NT5C2: variants seen among roughly 807,000 people sequenced by gnomAD.
The protein encoded by NT5C2 is cytosolic purine 5'-nucleotidase.
A neutral mutation model predicts 76.1 loss-of-function variants in NT5C2; 58 were observed. The observed-to-expected ratio is 0.76, with a 90% confidence interval of 0.62 to 0.95. The LOEUF is 0.95. Ranked by LOEUF, NT5C2 falls within the 40% of genes least tolerant of loss-of-function variation. NT5C2 has a pLI of 0.00. For missense variants in NT5C2, 478 were observed against 690.3 expected (o/e 0.69, Z 3.45); for synonymous variants, 229 against 237.4 (o/e 0.96, Z 0.32).
chr10:103,089,803 A>G lies in NT5C2; in HGVS notation c.1555T>C (p.Tyr519His). The G allele has an allele frequency of 6.2e-7, 1 of 1,614,038 alleles. No homozygotes were observed. The highest frequency in any genetic ancestry group is 8.5e-7 in the Non-Finnish European group (1 of 1,180,004). ...RTSVDFKDTD[Y>H]KRHQLTRSIS... Reference sequence around the variant, plus strand: ...GACCGTGTCAGCTGGTGCCGCTTGTAGTCAGTGTCTTTGAAATCCACTGAT... The same window carrying G: ...GACCGTGTCAGCTGGTGCCGCTTGTGGTCAGTGTCTTTGAAATCCACTGAT... Residue 519 changes from tyrosine (Y) to histidine (H), a missense_variant, in exon 19 of 19, where the codon TAC becomes CAC. Coordinates refer to ENST00000404739, the MANE Select transcript of NT5C2 (RefSeq NM_001351169.2).
At chr10:103,112,183 C>T (rs2073190843) in intron 4 of NT5C2, among the ~76,000 whole-genome samples, 1 of 152,102 alleles carries the variant, frequency 6.6e-6, no homozygotes, top group African/African-American at 2.4e-5. Context: ...ATACAGCTGG[C>T]AAATGGTGTT....
At chr10:103,125,507 C>T in intron 4 of NT5C2, 1 of 193,246 alleles carries the variant, frequency 5.2e-6, no homozygotes, top group South Asian at 8.1e-5. Flanking sequence ...TAGCATTCTG[C>T]TTCTTGAAGA....
rs530697553 is a variant in NT5C2 at position 103,122,731 on chromosome 10, T to G, written c.176-16025A>C. On this transcript the variant is annotated intron_variant, in intron 4 of 18. Coordinates refer to ENST00000404739, the MANE Select transcript of NT5C2 (RefSeq NM_001351169.2). ...TCATACTACTCTCATTTGAGAGGTG[T>G]CATCCTTATACCACGAGGAAAGGAA... is the stretch of plus-strand genomic sequence containing the variant. 2.0e-5 allele frequency among the ~76,000 whole-genome samples: 3 copies of G among 152,320 alleles called. No homozygotes were observed. In the East Asian group the frequency reaches 5.8e-4, roughly 29 times the overall value.
At chr10:103,164,048 G>T (rs2085682549) in intron 3 of NT5C2, among the ~76,000 whole-genome samples, 1 of 151,778 alleles carries the variant, frequency 6.6e-6, no homozygotes, top group Admixed American at 6.6e-5. Context: ...AGACCAGCCT[G>T]GACATCAAAG....
intron 6 of NT5C2, among the ~76,000 whole-genome samples, chr10:103,103,985 C>T (rs1020231358): frequency 1.3e-5 from 2 of 152,218 alleles, no homozygotes; most frequent in African/African-American, 4.8e-5. Flanking sequence ...TCCCATATAG[C>T]TGGGACCAAA....
intron 11 of NT5C2, among the ~76,000 whole-genome samples, chr10:103,096,827 CAG>C (rs1439386670): frequency 1.2e-4 from 14 of 113,714 alleles, no homozygotes; most frequent in African/African-American, 5.0e-4. Context: ...GCCTGGGCGA[CAG>C]AGTGAGACTC....
chr10:103,187,066 C>G (rs1293328438), intron 1 of NT5C2, among the ~76,000 whole-genome samples: 1 of 151,536 alleles, frequency 6.6e-6, no homozygotes, highest in Non-Finnish European at 1.5e-5. Flanking sequence ...GCCTGGCCAA[C>G]AGGGCAAAAC....
intron 12 of NT5C2, among the ~76,000 whole-genome samples, chr10:103,094,907 G>GTATTAT (rs1196558879): frequency 6.6e-6 from 1 of 151,194 alleles, no homozygotes; most frequent in Non-Finnish European, 1.5e-5. Context: ...TTGTGTCTAT[G>GTATTAT]TATTATAAGC....
At chr10:103,160,026 G>C (rs1169957766) in intron 3 of NT5C2, among the ~76,000 whole-genome samples, 1 of 152,180 alleles carries the variant, frequency 6.6e-6, no homozygotes, top group African/African-American at 2.4e-5. Flanking sequence ...TCAAGACTGT[G>C]TGCTACTGGC....
At chr10:103,092,351 G>C (rs2067143369) in intron 15 of NT5C2, among the ~76,000 whole-genome samples, 1 of 127,768 alleles carries the variant, frequency 7.8e-6, no homozygotes, top group Admixed American at 7.8e-5. Context: ...GGTTGAGAAA[G>C]GCTGTCATGT....
At chr10:103,094,805 C>A (rs1003525644) in intron 12 of NT5C2, among the ~76,000 whole-genome samples, 1 of 150,394 alleles carries the variant, frequency 6.6e-6, no homozygotes, top group African/African-American at 2.4e-5. Flanking sequence ...TCGCTTGAAC[C>A]TAGGAGGGGG....
intron 1 of NT5C2, among the ~76,000 whole-genome samples, chr10:103,183,262 G>GATACATATATAT (rs1554841573): frequency 8.2e-5 from 6 of 73,344 alleles, no homozygotes; most frequent in South Asian, 1.0e-3. Context: ...GTGTGTGTGT[G>GATACATATATAT]ATATATATAT....
intron 3 of NT5C2, among the ~76,000 whole-genome samples, chr10:103,149,642 G>A (rs1270279560): frequency 6.6e-6 from 1 of 151,994 alleles, no homozygotes; most frequent in Non-Finnish European, 1.5e-5. Flanking sequence ...AAAGACCAGT[G>A]TATAGAGGAT....
intron 4 of NT5C2, among the ~76,000 whole-genome samples, chr10:103,136,428 A>G (rs931446538): frequency 6.6e-6 from 1 of 152,218 alleles, no homozygotes; most frequent in Non-Finnish European, 1.5e-5. Context: ...AAATGAGATA[A>G]TCTATGTAAT....
chr10:103,100,845 G>T (rs1365918739), intron 8 of NT5C2, 200 bp downstream of exon 8: 1 of 678,382 alleles, frequency 1.5e-6, no homozygotes. Context: ...CACTGGCAAG[G>T]AGAGGGGCCG....
intron 15 of NT5C2, 69 bp from the exon 16 acceptor site, chr10:103,091,684 A>C: frequency 7.6e-7 from 1 of 1,309,914 alleles, no homozygotes; most frequent in Non-Finnish European, 1.1e-6. Context: ...AACTGCTGCT[A>C]AACTAAAAGG....
chr10:103,089,651 T>C lies in NT5C2; in HGVS notation c.*21A>G. 6.4e-7 allele frequency: 1 copy of C among 1,574,000 alleles called. No individual in the cohort carries two copies. The highest frequency in any genetic ancestry group is 1.2e-5 in the South Asian group (1 of 82,784). On this transcript the variant is annotated 3_prime_UTR_variant, in exon 19 of 19. Coordinates refer to ENST00000404739, the MANE Select transcript of NT5C2 (RefSeq NM_001351169.2). Reference sequence around the variant, plus strand: ...CTGCCAGGACTTGTTTAATGGGTGCTTGGGGTTTTGGTTTTCCTCCTTATT... The same window carrying C: ...CTGCCAGGACTTGTTTAATGGGTGCCTGGGGTTTTGGTTTTCCTCCTTATT...
chr10:103,168,447 C>T (rs2086948424), intron 3 of NT5C2, among the ~76,000 whole-genome samples: 1 of 152,170 alleles, frequency 6.6e-6, no homozygotes, highest in South Asian at 2.1e-4. Flanking sequence ...TTGTTCCATT[C>T]TTGGATTGGT....
At chr10:103,191,189 C>T (rs1007336161) in intron 1 of NT5C2, among the ~76,000 whole-genome samples, 1 of 151,910 alleles carries the variant, frequency 6.6e-6, no homozygotes, top group Non-Finnish European at 1.5e-5. Context: ...GTCAGGAGTT[C>T]GAGACCAGCC....
Sources: gnomAD v4.1 joint callset for allele counts (sites outside exome capture counted in the v4.1 genomes callset) on GRCh38, gnomAD v4.1.1 for gene constraint, MANE v1.5 for transcripts, NCBI Gene and HGNC (gene_info 2026-07-23, HGNC 2026-07-21) for gene names.